Variants in CHLSN observed in about 807,000 individuals in gnomAD.
The protein encoded by CHLSN is protein cholesin.
chr7:987,112 T>C, the CHLSN span: 1 of 1,549,138 alleles, frequency 6.5e-7, no homozygotes, highest in South Asian at 1.2e-5. Context: ...TGCAGGGGGA[T>C]GACCCCGAGG....
the CHLSN span, chr7:986,604 TCCTCCTG>T: frequency 6.2e-7 from 1 of 1,611,970 alleles, no homozygotes; most frequent in Admixed American, 1.7e-5. Context: ...TTATCTCCGC[TCCTCCTG>T]CCTCCTGCCC....
At chr7:1,063,019 T>G in the CHLSN span, among the ~76,000 whole-genome samples, 1 of 152,300 alleles carries the variant, frequency 6.6e-6, no homozygotes, top group Non-Finnish European at 1.5e-5. Flanking sequence ...TGGGCCTGCC[T>G]GGCTTTGCCA....
chr7:979,284 G>A, the CHLSN span, among the ~76,000 whole-genome samples: 3 of 152,298 alleles, frequency 2.0e-5, no homozygotes, highest in African/African-American at 4.8e-5. Context: ...GCTTATCAAC[G>A]GGTGGCGGAG....
At chr7:987,646 C>G in the CHLSN span, 7 of 1,049,432 alleles carry the variant, frequency 6.7e-6, no homozygotes, top group Non-Finnish European at 9.3e-6. Context: ...CAGCGCTCCC[C>G]GACCGGAGGC....
the CHLSN span, among the ~76,000 whole-genome samples, chr7:1,037,675 G>A: frequency 8.1e-6 from 1 of 122,752 alleles, no homozygotes; most frequent in Admixed American, 8.1e-5. Context: ...CACCCCGTCT[G>A]GGAAGTGAGG....
the CHLSN span, among the ~76,000 whole-genome samples, chr7:1,070,896 A>G: frequency 1.1e-4 from 17 of 149,368 alleles, no homozygotes; most frequent in East Asian, 2.8e-3. Context: ...ACACACGTGC[A>G]CACACATGCA....
chr7:984,865 C>T, the CHLSN span: 1 of 1,491,310 alleles, frequency 6.7e-7, no homozygotes, highest in East Asian at 2.3e-5. Flanking sequence ...GCTGCCCTGT[C>T]AGCCTGCTCA....
the CHLSN span, among the ~76,000 whole-genome samples, chr7:982,273 C>T: frequency 6.6e-6 from 1 of 152,244 alleles, no homozygotes; most frequent in Non-Finnish European, 1.5e-5. Flanking sequence ...GGGGGACCAA[C>T]CCGGGAGGGG....
chr7:987,933 T>TGG, the CHLSN span, among the ~76,000 whole-genome samples: 10 of 135,682 alleles, frequency 7.4e-5, no homozygotes, highest in Admixed American at 2.9e-4. Flanking sequence ...CTGTGTGTCC[T>TGG]GGGGGGGTCC....
chr7:1,103,712 CT>C, the CHLSN span, among the ~76,000 whole-genome samples: 1 of 152,260 alleles, frequency 6.6e-6, no homozygotes, highest in Non-Finnish European at 1.5e-5. Context: ...CGTCCCCACC[CT>C]GCACAGGAGA....
the CHLSN span, among the ~76,000 whole-genome samples, chr7:1,053,594 G>A: frequency 2.8e-3 from 424 of 152,328 alleles, 1 homozygote; most frequent in Middle Eastern, 6.8e-3. Context: ...TTGGGAGGCC[G>A]AGGTGGGCGG....
At chr7:1,131,388 A>G in the CHLSN span, among the ~76,000 whole-genome samples, 2 of 152,102 alleles carry the variant, frequency 1.3e-5, no homozygotes, top group Non-Finnish European at 2.9e-5. Flanking sequence ...TGAGGCCAGA[A>G]ACCAAGGAGA....
the CHLSN span, chr7:1,093,221 G>A: frequency 2.0e-6 from 1 of 497,528 alleles, no homozygotes; most frequent in Non-Finnish European, 4.1e-6. Context: ...GCCACACGGA[G>A]AGGCCACTGT....
the CHLSN span, among the ~76,000 whole-genome samples, chr7:1,013,732 G>A: frequency 2.6e-5 from 4 of 152,146 alleles, no homozygotes; most frequent in Non-Finnish European, 4.4e-5. Context: ...TAAAGCCGGC[G>A]TCTCTGGACC....
the CHLSN span, among the ~76,000 whole-genome samples, chr7:1,019,637 G>A: frequency 6.6e-6 from 1 of 152,248 alleles, no homozygotes; most frequent in Non-Finnish European, 1.5e-5. Context: ...AGGCCTAGTG[G>A]CTGCAGGAAG....
chr7:988,291 TC>T, the CHLSN span: 7 of 1,596,328 alleles, frequency 4.4e-6, no homozygotes, highest in Admixed American at 1.2e-4. Flanking sequence ...CGCCCGTGAT[TC>T]CCCTGCTGAC....
At chr7:1,028,407 C>T in the CHLSN span, 2 of 986,814 alleles carry the variant, frequency 2.0e-6, no homozygotes, top group Non-Finnish European at 2.4e-6. Context: ...GAACCAGATC[C>T]AGCCGGCTGG....
chr7:1,085,004 CCT>C, the CHLSN span, among the ~76,000 whole-genome samples: 1 of 152,202 alleles, frequency 6.6e-6, no homozygotes, highest in Non-Finnish European at 1.5e-5. Flanking sequence ...CACTGCAGGC[CCT>C]GTGTCTGGGG....
chr7:1,096,499 G>C, the CHLSN span, among the ~76,000 whole-genome samples: 1 of 152,184 alleles, frequency 6.6e-6, no homozygotes, highest in African/African-American at 2.4e-5. The surrounding 1 kb of genome is among the most constrained non-coding windows in gnomAD (Gnocchi z 4.6). Flanking sequence ...CGTGGGTGCC[G>C]CCGGCGCAGC....
Sources: allele counts gnomAD v4.1 joint callset (sites outside exome capture counted in the v4.1 genomes callset), GRCh38; gene constraint gnomAD v4.1.1; non-coding constraint Gnocchi (gnomAD v3.1); transcripts MANE v1.5; gene names NCBI Gene and HGNC (gene_info 2026-07-23, HGNC 2026-07-21).